Variants in LRRC4C observed in about 807,000 individuals in gnomAD.
LRRC4C encodes leucine-rich repeat-containing protein 4C.
Under a neutral mutation model 33.6 loss-of-function variants are expected in LRRC4C, and 5 were observed. The ratio of observed to expected loss-of-function variants is 0.15; its 90% CI spans 0.08 to 0.31. The LOEUF is 0.31. Among genes scored for constraint, LRRC4C ranks in the 10% least tolerant of loss-of-function variants. The pLI is 1.00. For missense variants in LRRC4C, 560 were observed against 796.7 expected (o/e 0.70, Z 3.58); for synonymous variants, 329 against 302.0 (o/e 1.09, Z -0.93).
At chr11:40,420,656 T>G (rs1415995797) in intron 3 of LRRC4C, among the ~76,000 whole-genome samples, 1 of 152,220 alleles carries the variant, frequency 6.6e-6, no homozygotes, top group African/African-American at 2.4e-5. Context: ...ACTAATTCAA[T>G]GCTTACTAAA....
chr11:40,960,087 T>C (rs190861783), intron 1 of LRRC4C, among the ~76,000 whole-genome samples: 157 of 116,072 alleles, frequency 1.4e-3, no homozygotes, highest in Middle Eastern at 5.1e-3. Flanking sequence ...AAAAAGGACA[T>C]GAAAGGGAAA....
chr11:40,782,835 T>C (rs1380372243), intron 2 of LRRC4C, among the ~76,000 whole-genome samples: 2 of 151,860 alleles, frequency 1.3e-5, no homozygotes, highest in Non-Finnish European at 2.9e-5. Context: ...TCTATACATA[T>C]ATGTGTGTGT....
At chr11:40,504,232 G>C (rs1033945049) in intron 3 of LRRC4C, among the ~76,000 whole-genome samples, 1 of 151,940 alleles carries the variant, frequency 6.6e-6, no homozygotes, top group Non-Finnish European at 1.5e-5. Context: ...ATGGATAAAT[G>C]AATGAATGTA....
intron 1 of LRRC4C, among the ~76,000 whole-genome samples, chr11:41,236,699 T>A (rs1383297799): frequency 6.6e-6 from 1 of 152,144 alleles, no homozygotes; most frequent in Non-Finnish European, 1.5e-5. Flanking sequence ...CTGGTGATAT[T>A]TGAAAAAAGA....
intron 1 of LRRC4C, among the ~76,000 whole-genome samples, chr11:41,418,014 C>A (rs941330914): frequency 2.2e-4 from 34 of 151,178 alleles, no homozygotes; most frequent in South Asian, 6.3e-4. Context: ...ATAGACCCCC[C>A]CACACACACA....
Position 40,231,407 on chromosome 11 carries a change from T to A in LRRC4C, c.-96+10112A>T, listed in dbSNP as rs912233840. On this transcript the variant is annotated intron_variant, in intron 5 of 6. Transcript: ENST00000528697. ...CAATAGCTAATATAGTGTATAGATA[T>A]CCATATATGTATATTTGTATACACA... Among the ~76,000 whole-genome samples, 87 of 152,190 alleles carry A rather than the reference T, an allele frequency of 5.7e-4. 1 individual carries two copies. Among genetic ancestry groups the A allele is most frequent in the Admixed American group, 3.3e-3 (51 of 15,264 alleles).
chr11:41,413,715 G>A (rs1372386914), intron 1 of LRRC4C, among the ~76,000 whole-genome samples: 1 of 152,170 alleles, frequency 6.6e-6, no homozygotes, highest in Non-Finnish European at 1.5e-5. Context: ...TGGCATAAAA[G>A]TAAGGCACAA....
chr11:40,797,843 G>A (rs1026911417), intron 2 of LRRC4C, among the ~76,000 whole-genome samples: 1 of 152,132 alleles, frequency 6.6e-6, no homozygotes, highest in Non-Finnish European at 1.5e-5. Flanking sequence ...AGTATTTGCT[G>A]CATCTATACA....
intron 1 of LRRC4C, among the ~76,000 whole-genome samples, chr11:41,406,878 T>A (rs777224571): frequency 6.6e-6 from 1 of 152,158 alleles, no homozygotes; most frequent in Non-Finnish European, 1.5e-5. Context: ...AAAAACCATC[T>A]GATTAATCTA....
intron 5 of LRRC4C, among the ~76,000 whole-genome samples, chr11:40,236,442 A>G (rs146974824): frequency 5.3e-5 from 8 of 152,300 alleles, no homozygotes; most frequent in Admixed American, 4.6e-4. Flanking sequence ...AGCTTATGAT[A>G]TATCAGTAGA....
chr11:40,183,341 C>T (rs527349798), intron 5 of LRRC4C, among the ~76,000 whole-genome samples: 2 of 152,282 alleles, frequency 1.3e-5, no homozygotes, highest in South Asian at 2.1e-4. Flanking sequence ...AATGAAATTA[C>T]CACAGAGTCC....
At chr11:41,304,381 T>G (rs867154446) in intron 1 of LRRC4C, among the ~76,000 whole-genome samples, 3 of 24,690 alleles carry the variant, frequency 1.2e-4, no homozygotes, top group African/African-American at 3.2e-4. Context: ...CCAGCCGCCC[T>G]GTCCGGGAGG....
intron 1 of LRRC4C, among the ~76,000 whole-genome samples, chr11:41,130,919 T>C (rs1942980974): frequency 6.6e-6 from 1 of 152,136 alleles, no homozygotes; most frequent in Non-Finnish European, 1.5e-5. Context: ...TTCCATGCAC[T>C]AAGTTTGCAT....
intron 2 of LRRC4C, among the ~76,000 whole-genome samples, chr11:40,711,527 A>G (rs764972578): frequency 1.3e-5 from 2 of 152,212 alleles, no homozygotes; most frequent in Non-Finnish European, 2.9e-5. Context: ...AGCAGTCATC[A>G]TTTATAATAC....
At chr11:40,553,033 G>A (rs184130562) in intron 3 of LRRC4C, among the ~76,000 whole-genome samples, 20 of 152,322 alleles carry the variant, frequency 1.3e-4, no homozygotes, top group Non-Finnish European at 2.2e-4. Context: ...TACTTTGGGA[G>A]GCTGAGGCAG....
At chr11:41,120,344 G>C (rs1353675052) in intron 1 of LRRC4C, among the ~76,000 whole-genome samples, 2 of 152,120 alleles carry the variant, frequency 1.3e-5, no homozygotes, top group African/African-American at 4.8e-5. Context: ...ATTTGTCATT[G>C]TGCAGGGTAC....
chr11:40,895,061 A>G (rs1955878721), intron 2 of LRRC4C, among the ~76,000 whole-genome samples: 1 of 152,032 alleles, frequency 6.6e-6, no homozygotes, highest in Non-Finnish European at 1.5e-5. Context: ...TACGGAATGT[A>G]TTTATTGGTC....
At chr11:40,912,170 C>A (rs868721600) in intron 2 of LRRC4C, among the ~76,000 whole-genome samples, 3 of 152,092 alleles carry the variant, frequency 2.0e-5, no homozygotes, top group African/African-American at 7.2e-5. Context: ...GGCAGGCCAA[C>A]GTTCAAATTC....
chr11:40,919,465 A>C (rs1957089228), intron 2 of LRRC4C, among the ~76,000 whole-genome samples: 1 of 152,174 alleles, frequency 6.6e-6, no homozygotes, highest in Non-Finnish European at 1.5e-5. Flanking sequence ...TTTAAACGTC[A>C]GCCCCTCTGA....
Sources: allele counts gnomAD v4.1 joint callset (sites outside exome capture counted in the v4.1 genomes callset), GRCh38; gene constraint gnomAD v4.1.1; transcripts MANE v1.5; gene names NCBI Gene and HGNC (gene_info 2026-07-23, HGNC 2026-07-21).